The following KCNT2 variants were observed in gnomAD, a reference collection of about 807,000 sequenced individuals.
KCNT2 encodes the protein potassium channel subfamily T member 2.
A neutral mutation model predicts 153.8 loss-of-function variants in KCNT2; 67 were observed. That is an observed-to-expected ratio of 0.44 (90% CI 0.36 to 0.53). KCNT2 has a LOEUF of 0.53. Ranked by LOEUF, KCNT2 falls within the 20% of genes least tolerant of loss-of-function variation. The pLI, the probability that KCNT2 is intolerant of heterozygous loss-of-function variation, is 0.00. For missense variants in KCNT2, 975 were observed against 1,354.8 expected (o/e 0.72, Z 4.40); for synonymous variants, 500 against 458.8 (o/e 1.09, Z -1.15).
intron 1 of KCNT2, among the ~76,000 whole-genome samples, chr1:196,544,257 T>C (rs1176908000): frequency 1.3e-5 from 2 of 151,900 alleles, no homozygotes; most frequent in Non-Finnish European, 2.9e-5. Context: ...AAAAGAAATA[T>C]ACAAAACAGA....
chr1:196,524,005 ACT>A (rs1184204221), intron 1 of KCNT2, among the ~76,000 whole-genome samples: 1 of 152,084 alleles, frequency 6.6e-6, no homozygotes, highest in Non-Finnish European at 1.5e-5. Context: ...TAGCACAAAG[ACT>A]CTATGATTAT....
rs1258437212 is a variant in KCNT2 at position 196,243,550 on chromosome 1, T to C, written c.3212-7480A>G. On this transcript the variant is annotated intron_variant, in intron 26 of 27. Coordinates refer to ENST00000294725, the MANE Select transcript of KCNT2 (RefSeq NM_198503.5). ...TGCACTCGGGGAATGGAGAACACAG[T>C]GACTGTGAGACTGCATTGGAACTCA... is the stretch of plus-strand genomic sequence containing the variant. 3.3e-5 allele frequency among the ~76,000 whole-genome samples: 5 copies of C among 152,194 alleles called. No homozygotes were observed. The East Asian group carries it at 5.8e-4, about 18-fold the overall frequency.
At chr1:196,250,196 T>C (rs1215303827) in intron 26 of KCNT2, among the ~76,000 whole-genome samples, 1 of 152,108 alleles carries the variant, frequency 6.6e-6, no homozygotes, top group African/African-American at 2.4e-5. Flanking sequence ...CTTCATATTA[T>C]ACTACGGAGC....
intron 1 of KCNT2, among the ~76,000 whole-genome samples, chr1:196,515,819 G>A (rs1682000689): frequency 6.6e-6 from 1 of 152,162 alleles, no homozygotes; most frequent in Admixed American, 6.5e-5. Context: ...CCACCCTGGA[G>A]CAACACAGAG....
At chr1:196,601,976 C>T (rs533903026) in intron 1 of KCNT2, among the ~76,000 whole-genome samples, 1 of 151,960 alleles carries the variant, frequency 6.6e-6, no homozygotes, top group Non-Finnish European at 1.5e-5. Context: ...ACTTAAATTA[C>T]AATTCAATTG....
intron 26 of KCNT2, among the ~76,000 whole-genome samples, chr1:196,246,545 T>C (rs373567037): frequency 2.0e-5 from 3 of 152,038 alleles, no homozygotes; most frequent in African/African-American, 7.2e-5. Flanking sequence ...TGATCAAAAA[T>C]AATAGCTACA....
At chr1:196,391,802 A>T (rs1368565844) in intron 13 of KCNT2, among the ~76,000 whole-genome samples, 1 of 151,426 alleles carries the variant, frequency 6.6e-6, no homozygotes, top group African/African-American at 2.4e-5. Context: ...TGTGGGATGT[A>T]GAGGGTATAT....
chr1:196,553,379 C>T (rs144213544), intron 1 of KCNT2, among the ~76,000 whole-genome samples: 17 of 150,876 alleles, frequency 1.1e-4, no homozygotes, highest in Non-Finnish European at 2.1e-4. Flanking sequence ...ACTGGAAAAC[C>T]CCGATATGTA....
chr1:196,427,205 A>T (rs2148534356), intron 10 of KCNT2, among the ~76,000 whole-genome samples: 1 of 152,182 alleles, frequency 6.6e-6, no homozygotes, highest in South Asian at 2.1e-4. Context: ...TGAAAACAAA[A>T]GAATAAGAAC....
At chr1:196,230,745 T>G (rs923404119) in intron 27 of KCNT2, among the ~76,000 whole-genome samples, 1 of 151,984 alleles carries the variant, frequency 6.6e-6, no homozygotes, top group Admixed American at 6.6e-5. Context: ...AAAATTTGAA[T>G]GAATGAGGAG....
intron 25 of KCNT2, chr1:196,273,608 A>G (rs1020512494): frequency 2.6e-5 from 16 of 610,412 alleles, no homozygotes; most frequent in Non-Finnish European, 4.6e-5. Flanking sequence ...ACATAACAAA[A>G]TCCAATTGCA....
chr1:196,334,487 C>CTTTCTTTTTTTTTTTTTTTTTTTTT (rs1553288400), intron 16 of KCNT2, among the ~76,000 whole-genome samples: 6 of 87,290 alleles, frequency 6.9e-5, no homozygotes, highest in Non-Finnish European at 1.3e-4. Context: ...TTCTTTCTTT[C>CTTTCTTTTTTTTTTTTTTTTTTTTT]TTTTTTTTTT....
At chr1:196,300,392 A>C (rs1209952322) in intron 22 of KCNT2, among the ~76,000 whole-genome samples, 1 of 152,178 alleles carries the variant, frequency 6.6e-6, no homozygotes, top group South Asian at 2.1e-4. Context: ...TCAGCTTGAC[A>C]TGTGAGAAAA....
chr1:196,243,520 G>A (rs890649489), intron 26 of KCNT2, among the ~76,000 whole-genome samples: 4 of 152,186 alleles, frequency 2.6e-5, no homozygotes, highest in Admixed American at 6.5e-5. Context: ...GGTGCAGGGA[G>A]TCTGTGCACT....
chr1:196,577,826 A>T (rs2148966761), intron 1 of KCNT2, among the ~76,000 whole-genome samples: 1 of 152,288 alleles, frequency 6.6e-6, no homozygotes, highest in African/African-American at 2.4e-5. Context: ...AAAGCTCAAG[A>T]ATATTTATGG....
intron 5 of KCNT2, among the ~76,000 whole-genome samples, chr1:196,471,528 T>C (rs1428275880): frequency 6.6e-6 from 1 of 152,170 alleles, no homozygotes; most frequent in African/African-American, 2.4e-5. Context: ...ATTTTCACTT[T>C]TCATTTTACA....
At position 196,227,659 on chromosome 1, in the gene KCNT2, G is replaced by C. The variant is rs975480579; in HGVS notation, c.*565C>G. On this transcript the variant is annotated 3_prime_UTR_variant, in exon 28 of 28. Transcript: ENST00000294725. ...TAAGATAAATATTTTTATATCGTAAGGCAGAAAAAAAAGTTAAAATGACTT... is the reference window on the plus strand; with the variant it reads ...TAAGATAAATATTTTTATATCGTAACGCAGAAAAAAAAGTTAAAATGACTT... 4 of 152,192 alleles carry C rather than the reference G, an allele frequency of 2.6e-5. No individual in the cohort carries two copies. The highest frequency in any genetic ancestry group is 9.7e-5 in the African/African-American group (4 of 41,326). The allele number at this position is 152,192 out of a possible 1,614,324, so 9.4% of individuals were successfully genotyped here.
intron 12 of KCNT2, among the ~76,000 whole-genome samples, chr1:196,418,481 A>G (rs1672930794): frequency 6.6e-6 from 1 of 152,096 alleles, no homozygotes. Context: ...AACAACAACA[A>G]CAACAACAAA....
At chr1:196,285,006 T>C (rs899626737) in intron 23 of KCNT2, among the ~76,000 whole-genome samples, 3 of 152,142 alleles carry the variant, frequency 2.0e-5, no homozygotes, top group African/African-American at 4.8e-5. Context: ...TTAGAGATTG[T>C]CTGATTACTT....
Sources: allele counts gnomAD v4.1 joint callset (sites outside exome capture counted in the v4.1 genomes callset), GRCh38; gene constraint gnomAD v4.1.1; transcripts MANE v1.5; gene names NCBI Gene and HGNC (gene_info 2026-07-23, HGNC 2026-07-21).